The following SORBS3 variants were observed in gnomAD, a reference collection of about 807,000 sequenced individuals.
SORBS3 encodes the protein sorbin and SH3 domain containing 3.
Under a neutral mutation model 98.0 loss-of-function variants are expected in SORBS3, and 69 were observed. The observed-to-expected ratio is 0.70, with a 90% CI of 0.58 to 0.86. The LOEUF is 0.86. Among genes scored for constraint, SORBS3 ranks in the 40% least tolerant of loss-of-function variants. The probability of loss-of-function intolerance (pLI) is 0.00; values close to 1 mark genes in which losing one functional copy is unlikely to be tolerated. For synonymous variants in SORBS3, 394 were observed against 355.4 expected (o/e 1.11, Z -1.22); for missense variants, 954 against 908.5 (o/e 1.05, Z -0.64).
At chr8:22,545,220 T>TC (rs1840004773) in intron 1 of SORBS3, 2 of 152,440 alleles carry the variant, frequency 1.3e-5, no homozygotes, top group African/African-American at 4.8e-5. Context: ...CTTGCCACAG[T>TC]CCCTTTCAGT....
chr8:22,558,171 C>G lies in SORBS3; in HGVS notation c.457C>G (p.Gln153Glu), dbSNP rs779184962. Reference sequence around the variant, plus strand: ...AGACTGGTACCGGAGAATGTTCCAGCAGATTCACCGGAAAATGCCAGGTAA... The same window carrying G: ...AGACTGGTACCGGAGAATGTTCCAGGAGATTCACCGGAAAATGCCAGGTAA... ...PRDWYRRMFQQIHRKMPDLQL... is the reference protein window; with the variant it reads ...PRDWYRRMFQEIHRKMPDLQL... Residue 153 changes from glutamine to glutamate, a missense_variant, in exon 5 of 21, where the codon CAG becomes GAG. Physicochemically the swap from Gln to Glu is conservative, Grantham distance 29. Coordinates refer to ENST00000240123, the MANE Select transcript of SORBS3 (RefSeq NM_005775.5). The G allele has an allele frequency of 9.9e-6, 16 of 1,614,054 alleles. No individual in the cohort carries two copies. The highest frequency in any genetic ancestry group is 1.2e-5 in the Non-Finnish European group (14 of 1,180,022).
At chr8:22,555,005 C>A (rs368540321) in intron 3 of SORBS3, 25 bp downstream of exon 3, 1 of 1,589,846 alleles carries the variant, frequency 6.3e-7, no homozygotes. Context: ...GAGCCTCATG[C>A]TGGAGATGGA....
chr8:22,559,138 G>A (rs1179684438), intron 5 of SORBS3, among the ~76,000 whole-genome samples: 1 of 152,172 alleles, frequency 6.6e-6, no homozygotes, highest in Non-Finnish European at 1.5e-5. Flanking sequence ...GGAAAGGAAT[G>A]GTGGAACCAG....
In SORBS3 at chr8:22,561,926, C is replaced by G. The variant is rs749318684; in HGVS notation, c.579C>G (p.Ser193=). The G allele has an allele frequency of 7.4e-6, 12 of 1,613,992 alleles. No individual in the cohort carries two copies. Among genetic ancestry groups the G allele is most frequent in the Middle Eastern group, 3.3e-4 (2 of 6,084 alleles). ...PAHRPGPATS[S]SGRSWDHSEE... ...ACAGGCCCGGCCCGGCAACATCTTC[C>G]AGTGGGTGAGCACAGTGGGGCGGGG... is the stretch of plus-strand genomic sequence containing the variant. Residue 193 remains serine, a synonymous_variant, in exon 7 of 21, where the codon TCC becomes TCG. Transcript: ENST00000240123.
chr8:22,561,400 G>A, intron 6 of SORBS3, 27 bp downstream of exon 6: 1 of 1,612,730 alleles, frequency 6.2e-7, no homozygotes, highest in South Asian at 1.1e-5. Flanking sequence ...CCACCTGCCT[G>A]CCATAGCCCT....
intron 7 of SORBS3, 143 bp downstream of exon 7, chr8:22,562,074 C>G (rs1304762317): frequency 1.4e-6 from 1 of 734,460 alleles, no homozygotes; most frequent in Admixed American, 2.2e-5. Flanking sequence ...TCCGTCTGGG[C>G]TCTGTCCCAT....
intron 20 of SORBS3, 106 bp downstream of exon 20, chr8:22,572,552 C>A (rs561293430): frequency 3.5e-5 from 31 of 889,292 alleles, no homozygotes; most frequent in Middle Eastern, 3.3e-4. Context: ...CCGACCACCC[C>A]CCGACTCAGC....
At chr8:22,558,078 T>C (rs769793967) in intron 4 of SORBS3, 51 bp from the exon 5 acceptor site, 13 of 1,585,664 alleles carry the variant, frequency 8.2e-6, no homozygotes, top group Non-Finnish European at 1.1e-5. Context: ...TGGCTTGAAA[T>C]TGGGAGGGTG....
Position 22,554,181 on chromosome 8 carries a change from T to A in SORBS3, c.-55-271T>A. 5.6e-6 allele frequency: 1 copy of A among 177,814 alleles called. No individual in the cohort carries two copies. Among genetic ancestry groups the A allele is most frequent in the Non-Finnish European group, 1.1e-5 (1 of 88,196 alleles). 11.0% of individuals were successfully genotyped at this position (177,814 alleles called of 1,614,324 possible). A position where few individuals can be genotyped will look rare whatever the true frequency, so the allele number is the denominator to read the frequency against. On this transcript the variant is annotated intron_variant, in intron 1 of 20. Coordinates refer to ENST00000240123, the MANE Select transcript of SORBS3 (RefSeq NM_005775.5). This position sits in a 1 kb window ranked among gnomAD's most constrained non-coding sequence, Gnocchi z 6.5. ...GGCTCCTGGCCAGCCCCTCCCCTCC[T>A]CCTCACCCAAGCTCCCCCTCCCCCA... is the stretch of plus-strand genomic sequence containing the variant.
intron 1 of SORBS3, among the ~76,000 whole-genome samples, chr8:22,552,716 G>A (rs1840107146): frequency 6.6e-6 from 1 of 152,208 alleles, no homozygotes; most frequent in East Asian, 1.9e-4. Context: ...CAGCTGCTGA[G>A]CTGCAATTTG....
At chr8:22,552,106 C>T in intron 1 of SORBS3, 84 bp downstream of exon 1, 1 of 974,256 alleles carries the variant, frequency 1.0e-6, no homozygotes, top group Non-Finnish European at 1.2e-6. Context: ...GCACCTAGCC[C>T]CTCCCCGGGG....
chr8:22,565,481 C>T, intron 11 of SORBS3, 127 bp downstream of exon 11: 1 of 734,636 alleles, frequency 1.4e-6, no homozygotes, highest in South Asian at 3.7e-5. Flanking sequence ...CGGCGCGCAC[C>T]GGCCTCGGGC....
chr8:22,574,834 C>A lies in SORBS3; in HGVS notation c.*106C>A. On this transcript the variant is annotated 3_prime_UTR_variant, in exon 21 of 21. Coordinates refer to ENST00000240123, the MANE Select transcript of SORBS3 (RefSeq NM_005775.5). ...ACATCCTCCTTCCCCAGGACCTGAG[C>A]TCCCAGCATCTGCAGACGACCCCCG... 1 of 1,107,732 alleles carries A rather than the reference C, an allele frequency of 9.0e-7. No homozygotes were observed. The highest frequency in any genetic ancestry group is 1.4e-6 in the Non-Finnish European group (1 of 724,042). The allele number at this position is 1,107,732 out of a possible 1,614,324, so 68.6% of individuals were successfully genotyped here.
At position 22,554,336 on chromosome 8, in the gene SORBS3, G is replaced by C; in HGVS notation, c.-55-116G>C. 1 of 1,100,136 alleles carries C rather than the reference G, an allele frequency of 9.1e-7. No homozygotes were observed. Among genetic ancestry groups the C allele is most frequent in the Non-Finnish European group, 1.2e-6 (1 of 800,292 alleles). 68.1% of individuals were successfully genotyped at this position (1,100,136 alleles called of 1,614,324 possible). A position where few individuals can be genotyped will look rare whatever the true frequency, so the allele number is the denominator to read the frequency against. On this transcript the variant is annotated intron_variant, in intron 1 of 20. Transcript: ENST00000240123. This position sits in a 1 kb window ranked among gnomAD's most constrained non-coding sequence, Gnocchi z 6.5. ...TCCTGGGTCCTTGAGCTAGTACCCA[G>C]CTGGTCCTGACCCCCTCCCACAGCC...
intron 5 of SORBS3, among the ~76,000 whole-genome samples, chr8:22,558,973 G>A (rs977214364): frequency 6.6e-6 from 1 of 152,244 alleles, no homozygotes; most frequent in Admixed American, 6.5e-5. Flanking sequence ...GTGGGAGATG[G>A]AGTCAGAGAG....
intron 5 of SORBS3, among the ~76,000 whole-genome samples, chr8:22,558,636 C>G (rs1473466972): frequency 6.6e-6 from 1 of 152,234 alleles, no homozygotes; most frequent in Non-Finnish European, 1.5e-5. Context: ...GAGCATGTAC[C>G]ACATGCTGAG....
At chr8:22,553,315 C>A (rs959601069) in intron 1 of SORBS3, among the ~76,000 whole-genome samples, 4 of 152,218 alleles carry the variant, frequency 2.6e-5, no homozygotes, top group Admixed American at 6.5e-5. Flanking sequence ...GCAGCCCTCC[C>A]TGAGAGCCCC....
At chr8:22,548,074 A>T (rs1840034840), upstream of SORBS3, among the ~76,000 whole-genome samples, 1 of 152,186 alleles carries the variant, frequency 6.6e-6, no homozygotes, top group Non-Finnish European at 1.5e-5. Flanking sequence ...TCAGGCCCCA[A>T]TACCCATCAT....
rs777172830 is a variant in SORBS3, at chr8:22,572,475, T to C, written c.1954+29T>C. On this transcript the variant is annotated intron_variant, in intron 20 of 20. Transcript: ENST00000240123. The stretch of plus-strand genomic sequence containing the variant: ...TGTGGGCAGGCCGGGAGGGGGCATC[T>C]CAGGGCCCCAGGGGATGTGGGTGGG... 5 of 1,536,792 alleles carry C rather than the reference T, an allele frequency of 3.3e-6. No individual in the cohort carries two copies. In the South Asian group the frequency reaches 4.5e-5, roughly 14 times the overall value.
Sources: allele counts gnomAD v4.1 joint callset (sites outside exome capture counted in the v4.1 genomes callset), GRCh38; gene constraint gnomAD v4.1.1; non-coding constraint Gnocchi (gnomAD v3.1); transcripts MANE v1.5; gene names NCBI Gene and HGNC (gene_info 2026-07-23, HGNC 2026-07-21).